Variants in TAPT1 observed in about 807,000 individuals in gnomAD.
TAPT1 encodes the protein transmembrane anterior posterior transformation protein 1 homolog.
In TAPT1, 28 loss-of-function variants were observed where a neutral mutation model predicts 65.6. The observed-to-expected ratio is 0.43, with a 90% CI of 0.32 to 0.59. The LOEUF is 0.59. Ranked by LOEUF, TAPT1 falls within the 20% of genes least tolerant of loss-of-function variation. The probability of loss-of-function intolerance (pLI) is 0.09; values close to 1 mark genes in which losing one functional copy is unlikely to be tolerated. For synonymous variants in TAPT1, 278 were observed against 245.2 expected, an observed-to-expected ratio of 1.13 and a Z score of -1.25; for missense variants, 563 against 679.9, an observed-to-expected ratio of 0.83 and a Z score of 1.91.
At chr4:16,190,053 G>A (rs996976084) in intron 4 of TAPT1, 1 of 152,232 alleles carries the variant, frequency 6.6e-6, no homozygotes, top group Admixed American at 6.5e-5. Flanking sequence ...CTACTTGGTG[G>A]GGCAAAGTGT....
intron 4 of TAPT1, chr4:16,190,914 T>C (rs1461298735): frequency 6.4e-6 from 1 of 156,052 alleles, no homozygotes; most frequent in Non-Finnish European, 1.4e-5. Flanking sequence ...GTGTATTTCT[T>C]ACAGCAAACA....
chr4:16,216,005 GT>G (rs1750922805), intron 1 of TAPT1: 1 of 152,202 alleles, frequency 6.6e-6, no homozygotes, highest in East Asian at 1.9e-4. Context: ...GTTCTTTCAT[GT>G]AAAAATCGAG....
intron 3 of TAPT1, among the ~76,000 whole-genome samples, chr4:16,199,363 T>G (rs1026779266): frequency 6.6e-6 from 1 of 152,130 alleles, no homozygotes; most frequent in South Asian, 2.1e-4. Flanking sequence ...TATAAAACTT[T>G]GAAAAAAGAA....
chr4:16,174,469 G>T, intron 10 of TAPT1, 197 bp from the exon 11 acceptor site: 1 of 671,718 alleles, frequency 1.5e-6, no homozygotes, highest in Non-Finnish European at 2.5e-6. Context: ...TTAAAATGCT[G>T]CAAAGAGCAT....
intron 9 of TAPT1, among the ~76,000 whole-genome samples, chr4:16,175,360 ATTTAC>A (rs923251199): frequency 3.9e-5 from 6 of 152,142 alleles, no homozygotes; most frequent in African/African-American, 7.2e-5. Flanking sequence ...ACAAAACTGT[ATTTAC>A]TTTAAGTATA....
At chr4:16,194,823 A>C (rs956715304) in intron 3 of TAPT1, among the ~76,000 whole-genome samples, 2 of 151,620 alleles carry the variant, frequency 1.3e-5, no homozygotes, top group African/African-American at 4.9e-5. Flanking sequence ...AGAATACAAG[A>C]AGCAGAACCT....
intron 11 of TAPT1, 22 bp from the exon 12 acceptor site, chr4:16,170,751 C>T (rs1747940533): frequency 1.3e-6 from 2 of 1,587,300 alleles, no homozygotes; most frequent in African/African-American, 2.7e-5. Flanking sequence ...CAAACCAAAA[C>T]AACAAAAACA....
At chr4:16,203,807 A>G (rs1432442053) in intron 2 of TAPT1, among the ~76,000 whole-genome samples, 1 of 152,210 alleles carries the variant, frequency 6.6e-6, no homozygotes, top group Non-Finnish European at 1.5e-5. Flanking sequence ...ACAAATTCAC[A>G]TGTCTTTAAA....
intron 7 of TAPT1, among the ~76,000 whole-genome samples, chr4:16,180,850 C>G (rs897870557): frequency 6.6e-6 from 1 of 152,168 alleles, no homozygotes; most frequent in Admixed American, 6.5e-5. Flanking sequence ...TCCCTCAAAG[C>G]CCAGTGGGCA....
intron 2 of TAPT1, among the ~76,000 whole-genome samples, chr4:16,206,957 GA>G (rs773868981): frequency 6.6e-6 from 1 of 152,216 alleles, no homozygotes; most frequent in Non-Finnish European, 1.5e-5. Context: ...GTTGCAGAAA[GA>G]ACGTGGAAGC....
At chr4:16,206,980 C>A (rs1283373316) in intron 2 of TAPT1, among the ~76,000 whole-genome samples, 1 of 152,126 alleles carries the variant, frequency 6.6e-6, no homozygotes, top group Non-Finnish European at 1.5e-5. Context: ...GTGGTCACTA[C>A]CACCACAAGC....
At chr4:16,199,663 C>T (rs1424691114) in intron 3 of TAPT1, among the ~76,000 whole-genome samples, 1 of 152,110 alleles carries the variant, frequency 6.6e-6, no homozygotes, top group Non-Finnish European at 1.5e-5. Context: ...GCAATCACAG[C>T]TTACTGCAGC....
rs747036669 is a variant in TAPT1 at position 16,191,406 on chromosome 4, C to T, written c.567G>A (p.Arg189=). The change falls in exon 4 of 14, where the codon AGG becomes AGA. Residue 189 remains arginine (R), a synonymous_variant. Transcript: ENST00000405303. ...TGTAGAGCTTGATGACGGACTGCCC[C>T]CTTATCAGGTGGTACATCATGGAGT... The part of the protein sequence containing the change: ...VDYSMMYHLI[R]GQSVIKLYII... 4 of 1,600,094 alleles carry T rather than the reference C, an allele frequency of 2.5e-6. No homozygotes were observed. The highest frequency in any genetic ancestry group is 3.4e-6 in the Non-Finnish European group (4 of 1,173,236).
chr4:16,218,890 A>G (rs1330036031), intron 1 of TAPT1, among the ~76,000 whole-genome samples: 1 of 152,190 alleles, frequency 6.6e-6, no homozygotes, highest in Admixed American at 6.5e-5. Context: ...TCATCTAAGT[A>G]ATTTTCTGTA....
chr4:16,198,176 G>T (rs1161733059), intron 3 of TAPT1, among the ~76,000 whole-genome samples: 1 of 152,148 alleles, frequency 6.6e-6, no homozygotes, highest in Non-Finnish European at 1.5e-5. Flanking sequence ...AAGGGACAGG[G>T]TCTTTATTTT....
Position 16,226,243 on chromosome 4 carries a change from G to C in TAPT1, c.199+16C>G. The C allele has an allele frequency of 1.8e-6, 2 of 1,115,118 alleles. No homozygotes were observed. Among genetic ancestry groups the C allele is most frequent in the East Asian group, 9.7e-5 (2 of 20,606 alleles). 69.1% of individuals were successfully genotyped at this position (1,115,118 alleles called of 1,614,324 possible). ...GCCCCTCGGAGCCCGCCACGGCCTAGCGCCGCCCGCCTCACCTGTGCGGCC... is the reference window on the plus strand; with the variant it reads ...GCCCCTCGGAGCCCGCCACGGCCTACCGCCGCCCGCCTCACCTGTGCGGCC... On this transcript the variant is annotated intron_variant, in intron 1 of 13. Coordinates refer to ENST00000405303, the MANE Select transcript of TAPT1 (RefSeq NM_153365.3).
chr4:16,165,570 A>C (rs1163246177), intron 13 of TAPT1, among the ~76,000 whole-genome samples: 1 of 77,410 alleles, frequency 1.3e-5, no homozygotes, highest in African/African-American at 5.2e-5. Flanking sequence ...ACTCCGTCTC[A>C]AAAAAAAAAA....
chr4:16,213,033 C>T (rs1224531273), intron 2 of TAPT1, among the ~76,000 whole-genome samples: 3 of 152,182 alleles, frequency 2.0e-5, no homozygotes, highest in Non-Finnish European at 4.4e-5. Flanking sequence ...TCTAAGAAGA[C>T]GACTGGACTA....
chr4:16,209,215 T>C (rs1053783229), intron 2 of TAPT1, among the ~76,000 whole-genome samples: 1 of 152,214 alleles, frequency 6.6e-6, no homozygotes, highest in African/African-American at 2.4e-5. Flanking sequence ...TTTTCCTTCC[T>C]GGATCCTCGT....
Sources: gnomAD v4.1 joint callset for allele counts (sites outside exome capture counted in the v4.1 genomes callset) on GRCh38, gnomAD v4.1.1 for gene constraint, MANE v1.5 for transcripts, NCBI Gene and HGNC (gene_info 2026-07-23, HGNC 2026-07-21) for gene names.